Variants in WWOX observed in about 807,000 individuals in gnomAD.
The protein encoded by WWOX is WW domain containing oxidoreductase, also known as WW domain-containing oxidoreductase.
In WWOX, 69 loss-of-function variants were observed where a neutral mutation model predicts 46.2. That is an observed-to-expected ratio of 1.49 (90% confidence interval 1.23 to 1.82). WWOX has a LOEUF of 1.82. WWOX is among the 40% of genes most tolerant of loss of function. The pLI is 0.00. For synonymous variants in WWOX, 359 were observed against 202.6 expected (o/e 1.77, Z -6.56); for missense variants, 919 against 542.6 (o/e 1.69, Z -6.89).
chr16:78,769,530 ATTATTTAT>A (rs141334504), intron 8 of WWOX, among the ~76,000 whole-genome samples: 25,564 of 103,670 alleles, frequency 0.25, 3,405 homozygotes, highest in East Asian at 0.38. Context: ...CACCCCCCAC[ATTATTTAT>A]TTATTTATTT....
At chr16:79,163,685 C>A (rs112223430) in intron 8 of WWOX, among the ~76,000 whole-genome samples, 1 of 151,436 alleles carries the variant, frequency 6.6e-6, no homozygotes, top group Non-Finnish European at 1.5e-5. Context: ...GTAATCCCAG[C>A]CACTTTTGAG....
intron 5 of WWOX, among the ~76,000 whole-genome samples, chr16:78,297,303 C>T (rs2079958977): frequency 6.6e-6 from 1 of 152,160 alleles, no homozygotes; most frequent in East Asian, 1.9e-4. Flanking sequence ...CCCTTAGTCC[C>T]TGAACCCTGT....
chr16:79,067,584 C>T (rs560826855), intron 8 of WWOX, among the ~76,000 whole-genome samples: 1 of 139,640 alleles, frequency 7.2e-6, no homozygotes, highest in East Asian at 2.1e-4. Flanking sequence ...ACTTCATGCT[C>T]ATCCTCTGCC....
rs969746615 is a variant in WWOX at position 78,562,191 on chromosome 16, G to C, written c.1056+129439G>C. ...CTCTAGCTTCTCAAACTGTTTCGTG[G>C]TGGAGTGCCTTTTGGGCACAGGAGA... On this transcript the variant is annotated intron_variant, in intron 8 of 8. Transcript: ENST00000566780. Among the ~76,000 whole-genome samples, 3 of 152,146 alleles carry C rather than the reference G, an allele frequency of 2.0e-5. No homozygotes were observed. The East Asian group carries it at 5.8e-4, about 29-fold the overall frequency.
intron 8 of WWOX, among the ~76,000 whole-genome samples, chr16:78,600,355 G>C (rs890385170): frequency 1.3e-5 from 2 of 152,068 alleles, no homozygotes; most frequent in African/African-American, 2.4e-5. Flanking sequence ...TAGCTGGAGG[G>C]GGGGCCCCAG....
chr16:79,161,331 T>G (rs572772068), intron 8 of WWOX, among the ~76,000 whole-genome samples: 1 of 152,244 alleles, frequency 6.6e-6, no homozygotes, highest in Admixed American at 6.5e-5. Flanking sequence ...AGGATGGACG[T>G]CATTGTACTC....
At chr16:78,158,918 T>A (rs1252755895) in intron 4 of WWOX, among the ~76,000 whole-genome samples, 2 of 152,174 alleles carry the variant, frequency 1.3e-5, no homozygotes, top group Non-Finnish European at 2.9e-5. Flanking sequence ...ACCCTTTGGC[T>A]AATACCTCCT....
chr16:78,484,388 C>A (rs930551274), intron 8 of WWOX, among the ~76,000 whole-genome samples: 2 of 152,052 alleles, frequency 1.3e-5, no homozygotes, highest in African/African-American at 4.8e-5. Context: ...TGCTATTGAT[C>A]CAGCAGCTGG....
chr16:79,192,877 C>G (rs1314233248), intron 8 of WWOX, among the ~76,000 whole-genome samples: 2 of 152,194 alleles, frequency 1.3e-5, no homozygotes, highest in African/African-American at 4.8e-5. Flanking sequence ...AATTTCCTCA[C>G]AGGGCCGCAG....
At chr16:79,089,363 G>T (rs539810416) in intron 8 of WWOX, among the ~76,000 whole-genome samples, 182 of 147,946 alleles carry the variant, frequency 1.2e-3, no homozygotes, top group African/African-American at 4.2e-3. Context: ...GCAGAGTCTA[G>T]CTCTGTCGCC....
chr16:78,742,419 G>A (rs1488615910), intron 8 of WWOX, among the ~76,000 whole-genome samples: 5 of 152,142 alleles, frequency 3.3e-5, no homozygotes, highest in Non-Finnish European at 1.5e-5. Context: ...GTCTTCATGT[G>A]CAAATGGAGA....
At chr16:78,561,233 T>C (rs1215293245) in intron 8 of WWOX, among the ~76,000 whole-genome samples, 1 of 152,214 alleles carries the variant, frequency 6.6e-6, no homozygotes, top group Non-Finnish European at 1.5e-5. Context: ...AACTCTCTTG[T>C]GCATGGAGTC....
chr16:78,425,220 G>A (rs2083049105), intron 7 of WWOX, among the ~76,000 whole-genome samples, 165 bp downstream of exon 7: 1 of 152,132 alleles, frequency 6.6e-6, no homozygotes, highest in African/African-American at 2.4e-5. Context: ...GTTCGCCTGT[G>A]ATTGTGGGGG....
At chr16:79,137,231 C>T (rs2049999694) in intron 8 of WWOX, among the ~76,000 whole-genome samples, 1 of 152,146 alleles carries the variant, frequency 6.6e-6, no homozygotes, top group African/African-American at 2.4e-5. Context: ...CTCTCTATTT[C>T]CTCGATAGAC....
At chr16:79,149,125 A>T (rs970287580) in intron 8 of WWOX, among the ~76,000 whole-genome samples, 1 of 152,158 alleles carries the variant, frequency 6.6e-6, no homozygotes, top group Non-Finnish European at 1.5e-5. Flanking sequence ...GGGAGGGGGA[A>T]GTTATTTACC....
chr16:78,859,656 TTGGTTTAAG>T (rs962113590), intron 8 of WWOX, among the ~76,000 whole-genome samples: 10 of 152,170 alleles, frequency 6.6e-5, no homozygotes, highest in African/African-American at 1.2e-4. Flanking sequence ...TGTGATTCTC[TTGGTTTAAG>T]AGCAGGGCGA....
At chr16:78,813,978 A>T (rs945806097) in intron 8 of WWOX, among the ~76,000 whole-genome samples, 5 of 152,122 alleles carry the variant, frequency 3.3e-5, no homozygotes, top group African/African-American at 4.8e-5. Context: ...TATAGGTTCT[A>T]TTATATCTCC....
intron 8 of WWOX, among the ~76,000 whole-genome samples, chr16:78,590,737 C>T (rs919803562): frequency 2.6e-5 from 4 of 152,104 alleles, no homozygotes; most frequent in African/African-American, 9.7e-5. Context: ...GTTGCAAGGT[C>T]GGGTAGATGG....
intron 8 of WWOX, among the ~76,000 whole-genome samples, chr16:78,597,872 C>G (rs2045528175): frequency 6.6e-6 from 1 of 151,430 alleles, no homozygotes; most frequent in Non-Finnish European, 1.5e-5. Context: ...GTTTATTCCC[C>G]TCGTCAGCAT....
Sources: gnomAD v4.1 joint callset for allele counts (sites outside exome capture counted in the v4.1 genomes callset) on GRCh38, gnomAD v4.1.1 for gene constraint, MANE v1.5 for transcripts, NCBI Gene and HGNC (gene_info 2026-07-23, HGNC 2026-07-21) for gene names.